The following CEP112 variants were observed in gnomAD, a reference collection of about 807,000 sequenced individuals.
The protein encoded by CEP112 is centrosomal protein 112, also known as centrosomal protein of 112 kDa.
CEP112 carries 127 observed loss-of-function variants against 153.0 expected under a neutral mutation model. The observed-to-expected ratio is 0.83, with a 90% CI of 0.72 to 0.96. The LOEUF (loss-of-function observed/expected upper bound fraction) is 0.96, where lower values mean the gene tolerates loss of function less well. CEP112 is among the 40% of genes least tolerant of loss of function. The pLI, the probability that CEP112 is intolerant of heterozygous loss-of-function variation, is 0.00. For synonymous variants in CEP112, 358 were observed against 374.4 expected (o/e 0.96, Z 0.51); for missense variants, 1,089 against 1,101.2 (o/e 0.99, Z 0.16).
At chr17:65,714,418 C>A in intron 23 of CEP112, among the ~76,000 whole-genome samples, 1 of 133,662 alleles carries the variant, frequency 7.5e-6, no homozygotes, top group South Asian at 2.4e-4. Flanking sequence ...ATATGAATAT[C>A]AAAGTTTTTT....
intron 21 of CEP112, among the ~76,000 whole-genome samples, chr17:65,839,470 T>TA (rs34555952): frequency 0.4 from 57,387 of 144,898 alleles, 11,941 homozygotes; most frequent in East Asian, 0.78. Flanking sequence ...CCTTTATGAT[T>TA]AAAAAAAAAA....
At chr17:66,101,135 C>T (rs1055659833) in intron 6 of CEP112, among the ~76,000 whole-genome samples, 1 of 151,964 alleles carries the variant, frequency 6.6e-6, no homozygotes, top group Non-Finnish European at 1.5e-5. Flanking sequence ...TTTAAAAATT[C>T]TCTGGACCCT....
intron 18 of CEP112, among the ~76,000 whole-genome samples, chr17:65,937,499 G>A (rs1386458527): frequency 5.0e-5 from 6 of 120,448 alleles, no homozygotes; most frequent in East Asian, 4.4e-4. Context: ...CCCTCTGCCT[G>A]GCAACCGCCC....
At chr17:65,814,890 G>GT (rs992319873) in intron 21 of CEP112, among the ~76,000 whole-genome samples, 1 of 151,904 alleles carries the variant, frequency 6.6e-6, no homozygotes, top group Non-Finnish European at 1.5e-5. Context: ...TTAAAAGTAT[G>GT]TTTTCTTCTT....
chr17:65,873,325 G>A (rs2146523077), intron 20 of CEP112, among the ~76,000 whole-genome samples: 1 of 152,250 alleles, frequency 6.6e-6, no homozygotes, highest in South Asian at 2.1e-4. Flanking sequence ...ATTGTTTTGT[G>A]ATTACATTCT....
rs1186027290 is a variant in CEP112, at chr17:65,902,296, C to A, written c.2019G>T (p.Thr673=). The change falls in exon 20 of 27, where the codon ACG becomes ACT. Residue 673 remains threonine (T), a synonymous_variant. Coordinates refer to ENST00000535342, the MANE Select transcript of CEP112 (RefSeq NM_001199165.4). ...ELKLEHEQEK[T]HLLQQHNAEK... is the part of the protein sequence containing the mutation. ...CTGCGTTATGCTGCTGTAATAGGTG[C>A]GTCTTCTCCTGTTCATGCTCCAGCT... The A allele has an allele frequency of 1.7e-5, 27 of 1,613,404 alleles. No homozygotes were observed. The highest frequency in any genetic ancestry group is 2.3e-5 in the Non-Finnish European group (27 of 1,179,860).
At chr17:65,683,101 TG>T (rs1281153097) in intron 24 of CEP112, among the ~76,000 whole-genome samples, 2 of 152,158 alleles carry the variant, frequency 1.3e-5, no homozygotes, top group Non-Finnish European at 2.9e-5. Context: ...AAGCCTCTTC[TG>T]GTTTCTCTCC....
In CEP112 at chr17:66,126,952, C is replaced by T. The variant is rs573906133; in HGVS notation, c.642+2794G>A. 2.6e-5 allele frequency among the ~76,000 whole-genome samples: 4 copies of T among 152,224 alleles called. No homozygotes were observed. The East Asian group carries it at 7.7e-4, about 29-fold the overall frequency. Reference sequence around the variant, plus strand: ...GCCAGTCACACATTCTCAGACAAAACTAAAATCAAAGCAAAATCTAAGCTT... The same window carrying T: ...GCCAGTCACACATTCTCAGACAAAATTAAAATCAAAGCAAAATCTAAGCTT... On this transcript the variant is annotated intron_variant, in intron 6 of 26. Coordinates refer to ENST00000535342, the MANE Select transcript of CEP112 (RefSeq NM_001199165.4).
chr17:66,048,092 T>A (rs547115737), intron 12 of CEP112, among the ~76,000 whole-genome samples: 24 of 135,084 alleles, frequency 1.8e-4, no homozygotes, highest in Non-Finnish European at 2.7e-4. Context: ...TATTGTTGTA[T>A]CATTTTTGTT....
intron 6 of CEP112, among the ~76,000 whole-genome samples, chr17:66,104,822 A>G (rs2068715209): frequency 6.6e-6 from 1 of 152,192 alleles, no homozygotes; most frequent in Non-Finnish European, 1.5e-5. Context: ...TAGTATACCC[A>G]GCAAAAATAA....
At chr17:66,017,999 CAAAA>C (rs57700701) in intron 16 of CEP112, among the ~76,000 whole-genome samples, 4 of 135,496 alleles carry the variant, frequency 3.0e-5, no homozygotes, top group Non-Finnish European at 1.6e-5. Flanking sequence ...GACTCTGTCT[CAAAA>C]AAAAAAAAAA....
At chr17:66,173,750 CTA>C (rs2072344382) in intron 4 of CEP112, among the ~76,000 whole-genome samples, 2 of 152,164 alleles carry the variant, frequency 1.3e-5, no homozygotes, top group Admixed American at 6.5e-5. Context: ...TGTAATTCTC[CTA>C]TGAATGTAAA....
chr17:66,165,423 T>C (rs1226121940), intron 4 of CEP112, among the ~76,000 whole-genome samples: 3 of 152,180 alleles, frequency 2.0e-5, no homozygotes, highest in Admixed American at 6.5e-5. Flanking sequence ...GTAGAACACA[T>C]ATCTGCCCAA....
intron 23 of CEP112, among the ~76,000 whole-genome samples, chr17:65,708,952 CCCT>C (rs2049043375): frequency 6.6e-6 from 1 of 152,184 alleles, no homozygotes; most frequent in South Asian, 2.1e-4. Context: ...CCTGGCCTCA[CCCT>C]CCTACTTGTT....
chr17:66,099,985 A>C (rs192136405), intron 6 of CEP112, among the ~76,000 whole-genome samples: 26 of 152,294 alleles, frequency 1.7e-4, no homozygotes, highest in African/African-American at 5.5e-4. Context: ...CTTTTAAATA[A>C]CTTCAGGCAT....
At chr17:65,719,119 A>C (rs547045481) in intron 23 of CEP112, among the ~76,000 whole-genome samples, 1 of 152,382 alleles carries the variant, frequency 6.6e-6, no homozygotes, top group South Asian at 2.1e-4. Flanking sequence ...CTTTCACACA[A>C]CAGTGGGTTT....
intron 23 of CEP112, among the ~76,000 whole-genome samples, chr17:65,733,848 T>C (rs996036119): frequency 6.6e-6 from 1 of 152,214 alleles, no homozygotes; most frequent in African/African-American, 2.4e-5. Flanking sequence ...ACAATTCATC[T>C]AAATACAGGT....
chr17:65,807,714 G>A (rs2055695793), intron 21 of CEP112, among the ~76,000 whole-genome samples: 1 of 152,232 alleles, frequency 6.6e-6, no homozygotes, highest in Non-Finnish European at 1.5e-5. Context: ...TCCACATGGT[G>A]TTGGGCCTGT....
chr17:65,823,660 A>G (rs2056701315), intron 21 of CEP112, among the ~76,000 whole-genome samples: 3 of 152,202 alleles, frequency 2.0e-5, no homozygotes, highest in Admixed American at 6.5e-5. Flanking sequence ...GGTAAGTCAG[A>G]ATTCATAAAA....
Sources: gnomAD v4.1 joint callset for allele counts (sites outside exome capture counted in the v4.1 genomes callset) on GRCh38, gnomAD v4.1.1 for gene constraint, MANE v1.5 for transcripts, NCBI Gene and HGNC (gene_info 2026-07-23, HGNC 2026-07-21) for gene names.